The following KDELR1 variants were observed in gnomAD, a reference collection of about 807,000 sequenced individuals.
KDELR1 encodes KDEL endoplasmic reticulum protein retention receptor 1, also known as ER lumen protein-retaining receptor 1.
Under a neutral mutation model 25.5 loss-of-function variants are expected in KDELR1, and 16 were observed. That is an observed-to-expected ratio of 0.63 (90% CI 0.43 to 0.95). KDELR1 has a LOEUF of 0.95. Ranked by LOEUF, KDELR1 falls within the 40% of genes least tolerant of loss-of-function variation. The pLI is 0.00. For synonymous variants in KDELR1, 121 were observed against 115.0 expected (o/e 1.05, Z -0.33); for missense variants, 159 against 265.2 (o/e 0.60, Z 2.78).
At position 48,390,433 on chromosome 19, in the gene KDELR1, C is replaced by A. The variant is rs770525117; in HGVS notation, c.183G>T (p.Thr61=). The A allele has an allele frequency of 6.2e-7, 1 of 1,612,592 alleles. No homozygotes were observed. Among genetic ancestry groups the A allele is most frequent in the Non-Finnish European group, 8.5e-7 (1 of 1,178,674 alleles). Reference sequence around the variant, plus strand: ...GGGGTGGAGCCTCTACCTTCATACACGTGTTGTAGAGTGAGATGTAGTTGG... The same window carrying A: ...GGGGTGGAGCCTCTACCTTCATACAAGTGTTGTAGAGTGAGATGTAGTTGG... ...LFTNYISLYN[T]CMKVVYIACS... is the part of the protein sequence containing the mutation. Residue 61 remains threonine (T), a synonymous_variant, in exon 2 of 5, where the codon ACG becomes ACT. Transcript: ENST00000330720.
At chr19:48,394,908 T>TG (rs1343945259), upstream of KDELR1, 1 of 151,246 alleles carries the variant, frequency 6.6e-6, no homozygotes, top group African/African-American at 2.4e-5. The surrounding 1 kb of genome is among the most constrained non-coding windows in gnomAD (Gnocchi z 5.1). Context: ...CCCCCCGCCA[T>TG]CCCCCCAACA....
chr19:48,394,059 G>T (rs1970599553), upstream of KDELR1, among the ~76,000 whole-genome samples: 1 of 152,120 alleles, frequency 6.6e-6, no homozygotes, highest in African/African-American at 2.4e-5. The surrounding 1 kb of genome is among the most constrained non-coding windows in gnomAD (Gnocchi z 5.1). Context: ...GTGTACCTGG[G>T]TTCTGTGCCT....
At position 48,390,538 on chromosome 19, in the gene KDELR1, A is replaced by G; in HGVS notation, c.92-14T>C. Reference sequence around the variant, plus strand: ...TCCCTGAAATTCCTGTGGTCCAGAGACAGAGAAAGAGAGAGAGAGAGAGAC... The same window carrying G: ...TCCCTGAAATTCCTGTGGTCCAGAGGCAGAGAAAGAGAGAGAGAGAGAGAC... On this transcript the variant is annotated splice_polypyrimidine_tract_variant and intron_variant, in intron 1 of 4. Transcript: ENST00000330720. The G allele has an allele frequency of 1.3e-6, 2 of 1,578,480 alleles. No homozygotes were observed. Among genetic ancestry groups the G allele is most frequent in the Non-Finnish European group, 1.7e-6 (2 of 1,148,532 alleles).
upstream of KDELR1, among the ~76,000 whole-genome samples, chr19:48,392,843 C>CGGGTG (rs1227816636): frequency 2.0e-5 from 3 of 152,148 alleles, no homozygotes; most frequent in African/African-American, 7.2e-5. Context: ...CAGAGCCCCA[C>CGGGTG]GGGTGGCTTT....
chr19:48,395,537 C>T (rs980391809), upstream of KDELR1, among the ~76,000 whole-genome samples: 9 of 151,916 alleles, frequency 5.9e-5, no homozygotes, highest in Non-Finnish European at 1.2e-4. Flanking sequence ...AACGGGATGC[C>T]GTCTGCAGCA....
Position 48,383,782 on chromosome 19 carries a change from G to C in KDELR1, c.604+448C>G, listed in dbSNP as rs148025452. Among the ~76,000 whole-genome samples the C allele has an allele frequency of 3.1e-4, 47 of 152,206 alleles. No individual in the cohort carries two copies. In the East Asian group the frequency reaches 7.7e-3, roughly 25 times the overall value. On this transcript the variant is annotated intron_variant, in intron 4 of 4. Coordinates refer to ENST00000330720, the MANE Select transcript of KDELR1 (RefSeq NM_006801.3). ...AGTCTCCCAAAGTGCTGGGATTACA[G>C]GTATGAGCCACCATGCCCAACTAAT... is the stretch of plus-strand genomic sequence containing the variant.
upstream of KDELR1, among the ~76,000 whole-genome samples, chr19:48,396,406 C>T (rs763473548): frequency 4.0e-5 from 6 of 151,728 alleles, no homozygotes; most frequent in South Asian, 4.2e-4. Flanking sequence ...GAGTGGGACG[C>T]GGGGTCCCTA....
upstream of KDELR1, among the ~76,000 whole-genome samples, chr19:48,392,560 T>C (rs1361614821): frequency 1.3e-5 from 2 of 152,152 alleles, no homozygotes; most frequent in African/African-American, 4.8e-5. Flanking sequence ...ACCTTAAGAA[T>C]CTAGATCTAC....
upstream of KDELR1, among the ~76,000 whole-genome samples, chr19:48,392,677 C>A (rs1055983657): frequency 7.9e-5 from 12 of 152,152 alleles, no homozygotes; most frequent in Non-Finnish European, 1.8e-4. Context: ...GAAACAGGAG[C>A]CTCACCCAGG....
rs901421879 is a variant in KDELR1, at chr19:48,384,569, G to A, written c.352-87C>T. 1.3e-5 allele frequency: 19 copies of A among 1,479,204 alleles called. No individual in the cohort carries two copies. The highest frequency in any genetic ancestry group is 5.2e-5 in the South Asian group (4 of 76,550). The allele number at this position is 1,479,204 out of a possible 1,614,324, so 91.6% of individuals were successfully genotyped here. ...ACAACATTGCAGTTACAGGTGCCGC[G>A]AAGGTGGAGAGAAGGAAGGTGATCC... On this transcript the variant is annotated intron_variant, in intron 3 of 4. Coordinates refer to ENST00000330720, the MANE Select transcript of KDELR1 (RefSeq NM_006801.3). This position sits in a 1 kb window ranked among gnomAD's most constrained non-coding sequence, Gnocchi z 4.6.
At chr19:48,387,699 A>G (rs1956277542) in intron 3 of KDELR1, 1 of 151,990 alleles carries the variant, frequency 6.6e-6, no homozygotes, top group African/African-American at 2.4e-5. Flanking sequence ...AAAAAAAAAA[A>G]AAAAAAGAAA....
intron 3 of KDELR1, among the ~76,000 whole-genome samples, chr19:48,386,280 A>G (rs1222597371): frequency 2.0e-5 from 3 of 151,484 alleles, no homozygotes; most frequent in Middle Eastern, 3.4e-3. Context: ...ACGCCCTGCT[A>G]ATTTTTGTAT....
chr19:48,389,458 A>G, intron 3 of KDELR1, 95 bp downstream of exon 3: 6 of 1,465,842 alleles, frequency 4.1e-6, no homozygotes, highest in Non-Finnish European at 4.7e-6. Flanking sequence ...CAGTTTGGGC[A>G]CACCCTGCAG....
At position 48,384,765 on chromosome 19, in the gene KDELR1, A is replaced by G. The variant is rs1970481884; in HGVS notation, c.352-283T>C. 6.6e-6 allele frequency among the ~76,000 whole-genome samples: 1 copy of G among 152,204 alleles called. No individual in the cohort carries two copies. The highest frequency in any genetic ancestry group is 1.5e-5 in the Non-Finnish European group (1 of 68,026). ...GCCCAAGACCATGTAGCCAGCAAGC[A>G]GCAGAGCAATGATTCGAACCAAGGA... is the stretch of plus-strand genomic sequence containing the variant. On this transcript the variant is annotated intron_variant, in intron 3 of 4. Coordinates refer to ENST00000330720, the MANE Select transcript of KDELR1 (RefSeq NM_006801.3). The surrounding 1 kb of genome is among the most constrained non-coding windows in gnomAD (Gnocchi z 4.6).
intron 4 of KDELR1, 53 bp from the exon 5 acceptor site, chr19:48,383,380 G>GCTGTCCCCTCCCTGCA: frequency 1.3e-6 from 2 of 1,522,636 alleles, no homozygotes; most frequent in African/African-American, 1.4e-5. Flanking sequence ...CTGCAGGGAG[G>GCTGTCCCCTCCCTGCA]GGACAGCCTC....
chr19:48,392,418 C>T (rs1970569381), upstream of KDELR1, among the ~76,000 whole-genome samples: 1 of 151,500 alleles, frequency 6.6e-6, no homozygotes, highest in Non-Finnish European at 1.5e-5. Context: ...TCCCTCAGAC[C>T]CAGGGGTCCA....
At chr19:48,388,351 G>A (rs1011107694) in intron 3 of KDELR1, among the ~76,000 whole-genome samples, 2 of 152,188 alleles carry the variant, frequency 1.3e-5, no homozygotes, top group African/African-American at 4.8e-5. Flanking sequence ...CCGAGGTACA[G>A]AGAGGTCAAG....
rs776222065 is a variant in KDELR1 at position 48,389,621 on chromosome 19, C to T, written c.283G>A (p.Val95Met). The T allele has an allele frequency of 6.2e-7, 1 of 1,614,162 alleles. No homozygotes were observed. Among genetic ancestry groups the T allele is most frequent in the Admixed American group, 1.7e-5 (1 of 60,024 alleles). ...GCTGTGGGAACGACCAGGAACTCCA[C>T]TCTGAACGTGTCATGGTTCCCATCG... The part of the protein sequence containing the change: ...TYDGNHDTFR[V>M]EFLVVPTAIL... The change falls in exon 3 of 5, where the codon GTG (valine) becomes ATG (methionine). Residue 95 changes from valine to methionine, a missense_variant. Transcript: ENST00000330720.
chr19:48,397,334 CT>C, the KDELR1 span, among the ~76,000 whole-genome samples: 1 of 151,980 alleles, frequency 6.6e-6, no homozygotes, highest in Non-Finnish European at 1.5e-5. Context: ...CATTTTTTCT[CT>C]CCCTTTTCCT....
Sources: allele counts gnomAD v4.1 joint callset (sites outside exome capture counted in the v4.1 genomes callset), GRCh38; gene constraint gnomAD v4.1.1; non-coding constraint Gnocchi (gnomAD v3.1); transcripts MANE v1.5; gene names NCBI Gene and HGNC (gene_info 2026-07-23, HGNC 2026-07-21).